The following RSF1 variants were observed in gnomAD, a reference collection of about 807,000 sequenced individuals.
The protein encoded by RSF1 is HBV pX-associated protein 8.
In RSF1, 13 loss-of-function variants were observed where a neutral mutation model predicts 145.2. The observed-to-expected ratio is 0.09, with a 90% CI of 0.06 to 0.14. The LOEUF (loss-of-function observed/expected upper bound fraction) is 0.14, where lower values mean the gene tolerates loss of function less well. Ranked by LOEUF, RSF1 falls within the 10% of genes least tolerant of loss-of-function variation. RSF1 has a pLI of 1.00. For synonymous variants in RSF1, 577 were observed against 592.6 expected (o/e 0.97, Z 0.38); for missense variants, 1,517 against 1,718.2 (o/e 0.88, Z 2.07).
chr11:77,691,993 C>A (rs539747165), intron 8 of RSF1, among the ~76,000 whole-genome samples: 10 of 152,220 alleles, frequency 6.6e-5, no homozygotes, highest in Admixed American at 5.2e-4. Context: ...CAGGTTCAAG[C>A]GATTCTGGTG....
chr11:77,831,417 A>G, the RSF1 span, among the ~76,000 whole-genome samples: 4 of 152,338 alleles, frequency 2.6e-5, no homozygotes, highest in South Asian at 4.1e-4. Context: ...CATTGTTTCT[A>G]ATGTCAAAAA....
the RSF1 span, among the ~76,000 whole-genome samples, chr11:77,857,303 T>A: frequency 6.6e-6 from 1 of 152,180 alleles, no homozygotes; most frequent in Admixed American, 6.5e-5. Flanking sequence ...GACCTGACTC[T>A]TGAAGGAGAA....
intron 3 of RSF1, among the ~76,000 whole-genome samples, chr11:77,742,147 G>A (rs1947947477): frequency 6.6e-6 from 1 of 152,194 alleles, no homozygotes; most frequent in Non-Finnish European, 1.5e-5. Flanking sequence ...TTCTTCTTCC[G>A]TTGGATATAT....
At chr11:77,715,565 G>A (rs1180827176) in intron 5 of RSF1, among the ~76,000 whole-genome samples, 1 of 151,886 alleles carries the variant, frequency 6.6e-6, no homozygotes, top group East Asian at 1.9e-4. Flanking sequence ...CTCCTGCCTT[G>A]GCTTCCCAAG....
chr11:77,808,921 G>A (rs559084018), intron 1 of RSF1, among the ~76,000 whole-genome samples: 8 of 152,132 alleles, frequency 5.3e-5, no homozygotes, highest in African/African-American at 1.2e-4. Context: ...AATATGCTAC[G>A]TTATCTGACT....
chr11:77,666,427 C>T lies in RSF1; in HGVS notation c.*490G>A, dbSNP rs1395318482. 2 of 152,500 alleles carry T rather than the reference C, an allele frequency of 1.3e-5. No individual in the cohort carries two copies. Among genetic ancestry groups the T allele is most frequent in the Non-Finnish European group, 2.9e-5 (2 of 68,042 alleles). 9.4% of individuals were successfully genotyped at this position (152,500 alleles called of 1,614,324 possible). A position where few individuals can be genotyped will look rare whatever the true frequency, so the allele number is the denominator to read the frequency against. On this transcript the variant is annotated 3_prime_UTR_variant, in exon 16 of 16. Transcript: ENST00000308488. ...CTACAATTCTCAAACTGTAACAGTA[C>T]AGACTTGAACTTTTAAATTGTCTGT...
At chr11:77,777,418 C>T (rs981796704) in intron 1 of RSF1, among the ~76,000 whole-genome samples, 36 of 151,840 alleles carry the variant, frequency 2.4e-4, no homozygotes, top group Admixed American at 5.3e-4. Flanking sequence ...ATGGTGAAAC[C>T]CTGTCGCTAA....
At chr11:77,714,420 C>T (rs911100570) in intron 5 of RSF1, among the ~76,000 whole-genome samples, 1 of 152,204 alleles carries the variant, frequency 6.6e-6, no homozygotes, top group African/African-American at 2.4e-5. Context: ...CTAATTCAAA[C>T]CACAACAAAC....
the RSF1 span, among the ~76,000 whole-genome samples, chr11:77,830,298 CTG>C: frequency 6.6e-6 from 1 of 152,178 alleles, no homozygotes; most frequent in South Asian, 2.1e-4. Flanking sequence ...AAACAGCAAA[CTG>C]TTTATCATGA....
intron 13 of RSF1, among the ~76,000 whole-genome samples, chr11:77,676,247 C>T (rs935113935): frequency 2.6e-5 from 4 of 151,850 alleles, no homozygotes; most frequent in Non-Finnish European, 4.4e-5. Flanking sequence ...ATTTATCTTT[C>T]CCTGTATTTT....
the RSF1 span, among the ~76,000 whole-genome samples, chr11:77,855,053 C>T: frequency 6.6e-6 from 1 of 152,134 alleles, no homozygotes; most frequent in African/African-American, 2.4e-5. Context: ...TACCTTGGCC[C>T]CTTTTAACCA....
At chr11:77,868,343 C>CCACG in the RSF1 span, among the ~76,000 whole-genome samples, 1 of 149,854 alleles carries the variant, frequency 6.7e-6, no homozygotes, top group Non-Finnish European at 1.5e-5. Flanking sequence ...GTGTGAGCCA[C>CCACG]CACGCCCAGC....
At chr11:77,692,695 T>C (rs1320003319) in intron 8 of RSF1, among the ~76,000 whole-genome samples, 44 of 151,070 alleles carry the variant, frequency 2.9e-4, no homozygotes, top group African/African-American at 1.1e-3. Flanking sequence ...TTTTTTTTTT[T>C]TGAGACAGAG....
At chr11:77,756,834 C>T (rs182435476) in intron 2 of RSF1, among the ~76,000 whole-genome samples, 29 of 152,296 alleles carry the variant, frequency 1.9e-4, no homozygotes, top group Middle Eastern at 3.4e-3. Context: ...ACATATCCCG[C>T]TTTAAATATT....
chr11:77,791,492 C>T (rs1244494177), intron 1 of RSF1, among the ~76,000 whole-genome samples: 1 of 152,228 alleles, frequency 6.6e-6, no homozygotes, highest in Non-Finnish European at 1.5e-5. Context: ...ACTTCAATTT[C>T]TCCTTAGAAA....
At chr11:77,699,194 T>C (rs1005283198) in intron 6 of RSF1, among the ~76,000 whole-genome samples, 28 of 152,210 alleles carry the variant, frequency 1.8e-4, no homozygotes, top group African/African-American at 6.8e-4. Context: ...TATTTTCATG[T>C]AAAAATTTAA....
At chr11:77,728,687 A>G (rs1590853820) in intron 4 of RSF1, among the ~76,000 whole-genome samples, 1 of 152,250 alleles carries the variant, frequency 6.6e-6, no homozygotes, top group South Asian at 2.1e-4. Context: ...GTCACTTATT[A>G]TATAATTCTA....
At chr11:77,719,079 T>A (rs773156919) in intron 5 of RSF1, among the ~76,000 whole-genome samples, 2 of 152,040 alleles carry the variant, frequency 1.3e-5, no homozygotes, top group Non-Finnish European at 2.9e-5. Context: ...AGACCCTGTC[T>A]CTACAAAAAA....
chr11:77,765,068 G>C (rs2135938853), intron 1 of RSF1, among the ~76,000 whole-genome samples: 1 of 152,068 alleles, frequency 6.6e-6, no homozygotes, highest in African/African-American at 2.4e-5. Flanking sequence ...GGGATACATG[G>C]GAACTCTCCG....
Sources: allele counts gnomAD v4.1 joint callset (sites outside exome capture counted in the v4.1 genomes callset), GRCh38; gene constraint gnomAD v4.1.1; transcripts MANE v1.5; gene names NCBI Gene and HGNC (gene_info 2026-07-23, HGNC 2026-07-21).